RGR: variants seen among roughly 807,000 people sequenced by gnomAD.
RGR encodes RPE-retinal G protein-coupled receptor.
In RGR, 30 loss-of-function variants were observed where a neutral mutation model predicts 28.6. The ratio of observed to expected loss-of-function variants is 1.05; its 90% CI spans 0.78 to 1.42. The LOEUF is 1.42. Ranked by LOEUF, RGR falls within the 40% of genes most tolerant of loss-of-function variation. The pLI is 0.00. For synonymous variants in RGR, 180 were observed against 156.4 expected, an observed-to-expected ratio of 1.15 and a Z score of -1.13; for missense variants, 404 against 375.6, an observed-to-expected ratio of 1.08 and a Z score of -0.62.
Position 84,257,928 on chromosome 10 carries a change from C to T in RGR, c.666C>T (p.Leu222=), listed in dbSNP as rs575867273. The change falls in exon 6 of 7, where the codon CTC becomes CTT. Residue 222 remains leucine, a synonymous_variant. Transcript: ENST00000652092. ...CTCTGCCAGCAAGGACGCTGCTGCT[C>T]GGCTGGGGCCCCTATGCCATCCTGT... ...NTTLPARTLL[L]GWGPYAILYL... is the part of the protein sequence containing the mutation. 8.7e-5 allele frequency: 141 copies of T among 1,614,094 alleles called. 1 individual carries two copies. In the East Asian group the frequency reaches 1.6e-3, roughly 19 times the overall value.
intron 5 of RGR, among the ~76,000 whole-genome samples, chr10:84,256,144 C>G (rs1409847609): frequency 3.7e-5 from 5 of 135,512 alleles, no homozygotes; most frequent in Admixed American, 7.9e-5. Context: ...TCTCGGCTCA[C>G]TGCAACCTCC....
Position 84,258,581 on chromosome 10 carries a change from G to A in RGR, c.818G>A (p.Cys273Tyr). Residue 273 changes from cysteine to tyrosine, a missense_variant, in exon 7 of 7, where the codon TGC (cysteine) becomes TAC (tyrosine). Coordinates refer to ENST00000652092, the MANE Select transcript of RGR (RefSeq NM_001012720.2). ...TATGCCCTGGGCAATGAGATGGTCT[G>A]CAGGGGAATCTGGCAGTGCCTCTCA... ...INYALGNEMV[C>Y]RGIWQCLSPQ... 6.2e-7 allele frequency: 1 copy of A among 1,614,238 alleles called. No homozygotes were observed. The highest frequency in any genetic ancestry group is 1.7e-5 in the Admixed American group (1 of 60,032).
At chr10:84,257,800 C>A in intron 5 of RGR, 93 bp from the exon 6 acceptor site, 1 of 1,027,380 alleles carries the variant, frequency 9.7e-7, no homozygotes. Context: ...CATGCTGCCC[C>A]GCCCTGCTGA....
At chr10:84,253,670 T>C (rs1372304692) in intron 4 of RGR, among the ~76,000 whole-genome samples, 1 of 152,290 alleles carries the variant, frequency 6.6e-6, no homozygotes, top group Non-Finnish European at 1.5e-5. Flanking sequence ...TGTTTAATCA[T>C]GAGGCATCTG....
At chr10:84,246,892 G>C (rs903266156) in intron 1 of RGR, among the ~76,000 whole-genome samples, 2 of 152,150 alleles carry the variant, frequency 1.3e-5, no homozygotes, top group African/African-American at 2.4e-5. Flanking sequence ...TAGGAGTAAG[G>C]TGGTATCTCA....
chr10:84,257,070 A>G (rs1842897516), intron 5 of RGR, among the ~76,000 whole-genome samples: 1 of 152,188 alleles, frequency 6.6e-6, no homozygotes, highest in African/African-American at 2.4e-5. Context: ...ATGGAAGAAA[A>G]TATGCCCTCT....
intron 3 of RGR, among the ~76,000 whole-genome samples, chr10:84,252,591 T>C (rs753524536): frequency 5.3e-5 from 8 of 152,228 alleles, no homozygotes; most frequent in African/African-American, 1.9e-4. Flanking sequence ...TCTGAGTTAT[T>C]AAGCATCAGA....
intron 3 of RGR, 105 bp downstream of exon 3, chr10:84,249,148 A>G (rs1406934649): frequency 6.6e-7 from 1 of 1,525,612 alleles, no homozygotes; most frequent in Non-Finnish European, 9.0e-7. Flanking sequence ...GTTTCCCAGT[A>G]CAGGGAAGTG....
At chr10:84,247,953 G>A (rs1842768552) in intron 2 of RGR, 1 of 749,834 alleles carries the variant, frequency 1.3e-6, no homozygotes, top group Non-Finnish European at 2.2e-6. Context: ...GCTGAAACCT[G>A]ATGAAAGAGA....
At position 84,247,672 on chromosome 10, in the gene RGR, T is replaced by G. The variant is rs1842763981; in HGVS notation, c.161T>G (p.Leu54Arg). The G allele has an allele frequency of 6.2e-7, 1 of 1,614,200 alleles. No homozygotes were observed. Residue 54 changes from leucine to arginine, a missense_variant, in exon 2 of 7, where the codon CTG becomes CGG. By Grantham distance (102) the Leu-to-Arg change is moderately radical. Coordinates refer to ENST00000652092, the MANE Select transcript of RGR (RefSeq NM_001012720.2). ...GAGCTGCGGACTCCCTGCCACCTAC[T>G]GGTGCTGAGCTTGGCTCTTGCGGAC... is the stretch of plus-strand genomic sequence containing the variant. Reference protein sequence around the residue: ...TPELRTPCHLLVLSLALADSG... With the variant: ...TPELRTPCHLRVLSLALADSG...
Position 84,258,826 on chromosome 10 carries a change from CG to C in RGR, c.*189del. On this transcript the variant is annotated 3_prime_UTR_variant, in exon 7 of 7. Coordinates refer to ENST00000652092, the MANE Select transcript of RGR (RefSeq NM_001012720.2). ...GAAAGAGCCAGATGGACCTGAGTGTCGGTCACAGCCCCCTACACTCAAGGCT... is the reference window on the plus strand; with the variant it reads ...GAAAGAGCCAGATGGACCTGAGTGTCGTCACAGCCCCCTACACTCAAGGCT... 1.3e-6 allele frequency: 1 copy of C among 763,044 alleles called. No individual in the cohort carries two copies. Among genetic ancestry groups the C allele is most frequent in the South Asian group, 1.6e-5 (1 of 62,504 alleles). 47.3% of individuals were successfully genotyped at this position (763,044 alleles called of 1,614,324 possible). A position where few individuals can be genotyped will look rare whatever the true frequency, so the allele number is the denominator to read the frequency against.
Position 84,257,952 on chromosome 10 carries a change from G to A in RGR, c.690G>A (p.Leu230=). The A allele has an allele frequency of 2.5e-6, 4 of 1,614,184 alleles. No homozygotes were observed. The highest frequency in any genetic ancestry group is 3.4e-6 in the Non-Finnish European group (4 of 1,180,052). ...TCGGCTGGGGCCCCTATGCCATCCT[G>A]TATCTATACGCAGTCATCGCAGACG... ...LLLGWGPYAI[L]YLYAVIADVT... is the part of the protein sequence containing the mutation. Residue 230 remains leucine, a synonymous_variant, in exon 6 of 7, where the codon CTG becomes CTA. Transcript: ENST00000652092.
chr10:84,256,999 A>T (rs988219254), intron 5 of RGR, among the ~76,000 whole-genome samples: 3 of 151,576 alleles, frequency 2.0e-5, no homozygotes, highest in African/African-American at 7.2e-5. Context: ...TTTTTCCCCA[A>T]ATAAGGGACA....
intron 6 of RGR, 143 bp downstream of exon 6, chr10:84,258,149 A>T: frequency 1.2e-6 from 1 of 848,770 alleles, no homozygotes. Context: ...CAAGGCATAG[A>T]GCATTAGTTT....
At chr10:84,253,413 A>T (rs1397217836) in intron 4 of RGR, among the ~76,000 whole-genome samples, 1 of 152,204 alleles carries the variant, frequency 6.6e-6, no homozygotes. Context: ...AAGAACATTA[A>T]GGTCCTTGCA....
intron 1 of RGR, among the ~76,000 whole-genome samples, chr10:84,245,736 G>A (rs1440543588): frequency 6.6e-6 from 1 of 152,206 alleles, no homozygotes; most frequent in Admixed American, 6.5e-5. Context: ...ATCCTCTCCA[G>A]CCCCACCACT....
intron 1 of RGR, among the ~76,000 whole-genome samples, chr10:84,246,010 T>C (rs7901093): frequency 0.17 from 26,134 of 152,154 alleles, 2,330 homozygotes; most frequent in Middle Eastern, 0.35. Flanking sequence ...GTCATTAGAT[T>C]GGTCCTGAAG....
intron 1 of RGR, among the ~76,000 whole-genome samples, 159 bp from the exon 2 acceptor site, chr10:84,247,432 A>G (rs564025880): frequency 1.1e-4 from 16 of 152,246 alleles, no homozygotes; most frequent in African/African-American, 3.6e-4. Flanking sequence ...GGCAGCTGTC[A>G]GTGATTATGA....
In RGR at chr10:84,258,016, C is replaced by T. The variant is rs1046424618; in HGVS notation, c.744+10C>T. On this transcript the variant is annotated intron_variant, in intron 6 of 6. Transcript: ENST00000652092. ...CCCCAAACTGCAGATGGTACAGATA[C>T]TTCTAGTACCTAAAACTAGACCCCT... 1 of 1,599,198 alleles carries T rather than the reference C, an allele frequency of 6.3e-7. No homozygotes were observed. Among genetic ancestry groups the T allele is most frequent in the Non-Finnish European group, 8.6e-7 (1 of 1,166,440 alleles).
Sources: gnomAD v4.1 joint callset for allele counts (sites outside exome capture counted in the v4.1 genomes callset) on GRCh38, gnomAD v4.1.1 for gene constraint, MANE v1.5 for transcripts, NCBI Gene and HGNC (gene_info 2026-07-23, HGNC 2026-07-21) for gene names.